The following NGF variants were observed in gnomAD, a reference collection of about 807,000 sequenced individuals.
NGF encodes the protein nerve growth factor, also known as beta-nerve growth factor.
Under a neutral mutation model 12.8 loss-of-function variants are expected in NGF, and 4 were observed. That is an observed-to-expected ratio of 0.31 (90% CI 0.15 to 0.72). The LOEUF (loss-of-function observed/expected upper bound fraction) is 0.72. Among genes scored for constraint, NGF ranks in the 30% least tolerant of loss-of-function variants. NGF has a pLI of 0.69. For missense variants in NGF, 283 were observed against 330.8 expected (o/e 0.86, Z 1.12); for synonymous variants, 140 against 130.0 (o/e 1.08, Z -0.52).
intron 1 of NGF, among the ~76,000 whole-genome samples, chr1:115,305,681 C>T (rs1029989257): frequency 4.6e-5 from 7 of 152,152 alleles, no homozygotes; most frequent in African/African-American, 1.2e-4. Flanking sequence ...GTAATCTAAC[C>T]ACCAAGGAAG....
chr1:115,312,052 T>C (rs1319465801), intron 1 of NGF, among the ~76,000 whole-genome samples: 1 of 152,204 alleles, frequency 6.6e-6, no homozygotes, highest in Non-Finnish European at 1.5e-5. Flanking sequence ...AATCACTAAA[T>C]TTTAAGTTCT....
intron 1 of NGF, among the ~76,000 whole-genome samples, chr1:115,308,302 T>C (rs767276207): frequency 3.9e-5 from 6 of 152,216 alleles, no homozygotes; most frequent in African/African-American, 7.2e-5. Context: ...ATGAAGGCTA[T>C]AGGCTCTGCC....
At chr1:115,329,753 T>C (rs1557947939) in intron 1 of NGF, among the ~76,000 whole-genome samples, 2 of 146,150 alleles carry the variant, frequency 1.4e-5, no homozygotes, top group Non-Finnish European at 3.0e-5. Context: ...TCTTTTTTTT[T>C]TTTTTTTTTT....
At chr1:115,290,684 G>A (rs186389695) in intron 2 of NGF, among the ~76,000 whole-genome samples, 2 of 152,058 alleles carry the variant, frequency 1.3e-5, no homozygotes, top group Non-Finnish European at 2.9e-5. Flanking sequence ...AAGCCACCAC[G>A]CCCTGCCCCT....
rs183104958 is a variant in NGF at position 115,318,475 on chromosome 1, G to A, written c.-137+19729C>T. On this transcript the variant is annotated intron_variant, in intron 1 of 2. Coordinates refer to ENST00000369512, the MANE Select transcript of NGF (RefSeq NM_002506.3). ...AAAGGAGTAGCATGTGAGCTGTGCC[G>A]ACAGGCCACAGCATAGGGCGAAGGA... 7.9e-5 allele frequency among the ~76,000 whole-genome samples: 12 copies of A among 152,280 alleles called. No individual in the cohort carries two copies. In the East Asian group the frequency reaches 9.7e-4, roughly 12 times the overall value.
intron 1 of NGF, among the ~76,000 whole-genome samples, chr1:115,297,593 A>G (rs1409689377): frequency 6.6e-6 from 1 of 152,214 alleles, no homozygotes; most frequent in African/African-American, 2.4e-5. Context: ...CAATCAATGC[A>G]TAGTTTAAGG....
intron 1 of NGF, among the ~76,000 whole-genome samples, chr1:115,337,256 G>GTTTTTTTTTTTTTTTTT (rs1364127314): frequency 7.4e-5 from 2 of 27,200 alleles, no homozygotes; most frequent in African/African-American, 3.3e-4. Flanking sequence ...AATTTTTTTT[G>GTTTTTTTTTTTTTTTTT]TTTTGTTTTT....
rs200459956 is a variant in NGF at position 115,286,636 on chromosome 1, C to T, written c.160G>A (p.Ala54Thr). ...LDTALRRARS[A>T]PAAAIAARVA... Reference sequence around the variant, plus strand: ...CGTGCAGCTATCGCCGCTGCCGGGGCGCTGCGGGCTCTGCGAAGGGCAGTG... The same window carrying T: ...CGTGCAGCTATCGCCGCTGCCGGGGTGCTGCGGGCTCTGCGAAGGGCAGTG... Residue 54 changes from alanine (A) to threonine (T), a missense_variant, in exon 3 of 3, where the codon GCC becomes ACC. By Grantham distance (58) the Ala-to-Thr change is moderately conservative. This residue lies in a region of NGF where 151 missense variants were observed against 141.6 expected (regional missense o/e 1.07). Coordinates refer to ENST00000369512, the MANE Select transcript of NGF (RefSeq NM_002506.3). The T allele has an allele frequency of 4.2e-5, 67 of 1,614,176 alleles. No homozygotes were observed. Among genetic ancestry groups the T allele is most frequent in the African/African-American group, 6.7e-5 (5 of 75,046 alleles).
At chr1:115,299,498 T>TA (rs1653968738) in intron 1 of NGF, among the ~76,000 whole-genome samples, 1 of 152,154 alleles carries the variant, frequency 6.6e-6, no homozygotes, top group Non-Finnish European at 1.5e-5. Context: ...TCATGAGCTG[T>TA]ATGACGGCCC....
intron 1 of NGF, among the ~76,000 whole-genome samples, chr1:115,321,576 A>ATG (rs59590858): frequency 0.034 from 4,461 of 133,148 alleles, 105 homozygotes; most frequent in South Asian, 0.055. Flanking sequence ...TGTGTATGGG[A>ATG]TGTGTGTGTG....
intron 1 of NGF, among the ~76,000 whole-genome samples, chr1:115,309,432 A>C (rs1264861578): frequency 6.6e-6 from 1 of 152,124 alleles, no homozygotes; most frequent in Non-Finnish European, 1.5e-5. Flanking sequence ...ATAGCTTTTA[A>C]AATTATTATT....
At chr1:115,333,543 G>A (rs1383372076) in intron 1 of NGF, among the ~76,000 whole-genome samples, 3 of 147,620 alleles carry the variant, frequency 2.0e-5, no homozygotes, top group Non-Finnish European at 3.0e-5. Flanking sequence ...ACGTGAATGC[G>A]TTGGCTACAG....
intron 1 of NGF, among the ~76,000 whole-genome samples, chr1:115,310,883 G>A (rs1002955345): frequency 6.6e-6 from 1 of 152,114 alleles, no homozygotes; most frequent in Non-Finnish European, 1.5e-5. Context: ...GAGGGGTCAT[G>A]GGAGGAGTAA....
At chr1:115,316,514 T>A (rs568963764) in intron 1 of NGF, among the ~76,000 whole-genome samples, 1 of 152,334 alleles carries the variant, frequency 6.6e-6, no homozygotes, top group African/African-American at 2.4e-5. Flanking sequence ...TAGTCAGGTA[T>A]TATGGTAAAT....
rs114032802 is a variant in NGF, at chr1:115,321,445, G to A, written c.-137+16759C>T. Reference sequence around the variant, plus strand: ...TTTTTTGCATTTATTATAAACAAAAGGACTGAATTATTTCCCATTATTCTT... The same window carrying A: ...TTTTTTGCATTTATTATAAACAAAAAGACTGAATTATTTCCCATTATTCTT... On this transcript the variant is annotated intron_variant, in intron 1 of 2. Coordinates refer to ENST00000369512, the MANE Select transcript of NGF (RefSeq NM_002506.3). 3.2e-3 allele frequency among the ~76,000 whole-genome samples: 483 copies of A among 152,094 alleles called. 2 individuals are homozygous for A. The highest frequency in any genetic ancestry group is 0.011 in the African/African-American group (451 of 41,482).
At chr1:115,327,272 C>T (rs1353859575) in intron 1 of NGF, among the ~76,000 whole-genome samples, 2 of 152,148 alleles carry the variant, frequency 1.3e-5, no homozygotes, top group Non-Finnish European at 2.9e-5. Flanking sequence ...CATAAAGATG[C>T]TTTAAAAAGA....
At chr1:115,304,363 G>C (rs1421160439) in intron 1 of NGF, among the ~76,000 whole-genome samples, 1 of 39,392 alleles carries the variant, frequency 2.5e-5, no homozygotes, top group Non-Finnish European at 7.0e-5. Flanking sequence ...TAGTAGAGAT[G>C]AGGTTTCACC....
intron 2 of NGF, among the ~76,000 whole-genome samples, chr1:115,291,348 A>G (rs755211117): frequency 1.3e-5 from 2 of 152,216 alleles, no homozygotes; most frequent in Admixed American, 6.5e-5. Context: ...TTTTTGGTTG[A>G]TGTGAACCAG....
intron 1 of NGF, among the ~76,000 whole-genome samples, chr1:115,328,121 A>G (rs1654823062): frequency 6.6e-6 from 1 of 152,022 alleles, no homozygotes; most frequent in South Asian, 2.1e-4. Context: ...ATCCTCTCTG[A>G]GTACTAGCGG....
Sources: allele counts gnomAD v4.1 joint callset (sites outside exome capture counted in the v4.1 genomes callset), GRCh38; gene constraint gnomAD v4.1.1; regional missense constraint gnomAD v4.1.1; transcripts MANE v1.5; gene names NCBI Gene and HGNC (gene_info 2026-07-23, HGNC 2026-07-21).